Variants in CREB1 observed in about 807,000 individuals in gnomAD.
The protein encoded by CREB1 is cAMP responsive element binding protein 1.
Under a neutral mutation model 42.0 loss-of-function variants are expected in CREB1, and 2 were observed. That is an observed-to-expected ratio of 0.05 (90% CI 0.02 to 0.15). The LOEUF is 0.15. Ranked by LOEUF, CREB1 falls within the 10% of genes least tolerant of loss-of-function variation. The pLI is 1.00. For synonymous variants in CREB1, 123 were observed against 139.9 expected (o/e 0.88, Z 0.85); for missense variants, 199 against 388.9 (o/e 0.51, Z 4.11).
chr2:207,576,241 C>CTTTTTTTTTT (rs35735523), intron 6 of CREB1, among the ~76,000 whole-genome samples: 4 of 101,064 alleles, frequency 4.0e-5, no homozygotes, highest in Non-Finnish European at 3.8e-5. Context: ...CTTTTTTTGG[C>CTTTTTTTTTT]TTTTTTTTTT....
At chr2:207,548,160 C>T (rs1574796086) in intron 1 of CREB1, among the ~76,000 whole-genome samples, 1 of 151,974 alleles carries the variant, frequency 6.6e-6, no homozygotes, top group Admixed American at 6.6e-5. Flanking sequence ...CGCAAACTGC[C>T]TCAAGTAATC....
At chr2:207,590,334 C>G (rs1429984774) in intron 7 of CREB1, among the ~76,000 whole-genome samples, 1 of 151,680 alleles carries the variant, frequency 6.6e-6, no homozygotes, top group Non-Finnish European at 1.5e-5. Context: ...TATTCGCCAC[C>G]CCTACCCCAG....
At position 207,570,188 on chromosome 2, in the gene CREB1, G is replaced by A; in HGVS notation, c.372G>A (p.Leu124=). ...TTTTCTAATTTTGTAGGAAAATTTT[G>A]AATGACTTATCTTCTGATGCACCAG... is the stretch of plus-strand genomic sequence containing the variant. ...LSRRPSYRKI[L]NDLSSDAPGV... Residue 124 remains leucine (L), a synonymous_variant, in exon 5 of 8, where the codon TTG becomes TTA. Coordinates refer to ENST00000353267, the MANE Select transcript of CREB1 (RefSeq NM_004379.5). The A allele has an allele frequency of 6.3e-7, 1 of 1,596,586 alleles. No individual in the cohort carries two copies. Among genetic ancestry groups the A allele is most frequent in the Non-Finnish European group, 8.5e-7 (1 of 1,174,632 alleles).
chr2:207,570,493 T>G (rs918195995), intron 5 of CREB1, among the ~76,000 whole-genome samples, 172 bp downstream of exon 5: 1 of 152,234 alleles, frequency 6.6e-6, no homozygotes, highest in Admixed American at 6.5e-5. Flanking sequence ...AATGGTAGTA[T>G]TTTCTTTTCT....
chr2:207,577,877 C>T (rs1183558569), intron 7 of CREB1: 1 of 511,384 alleles, frequency 2.0e-6, no homozygotes, highest in Admixed American at 3.1e-5. Flanking sequence ...AGTTTTCTTT[C>T]ATGCAGTTTC....
intron 7 of CREB1, among the ~76,000 whole-genome samples, chr2:207,580,389 T>C (rs1327005488): frequency 2.0e-5 from 3 of 152,134 alleles, no homozygotes. Context: ...TGCTAAAATA[T>C]TTGAGAGAAA....
In CREB1 at chr2:207,560,253, T is replaced by A; in HGVS notation, c.142T>A (p.Ser48Thr). 2 of 1,611,878 alleles carry A rather than the reference T, an allele frequency of 1.2e-6. No homozygotes were observed. Among genetic ancestry groups the A allele is most frequent in the Non-Finnish European group, 8.5e-7 (1 of 1,178,540 alleles). ...ATCTATGCCAGCAGCTCATGCAACA[T>A]CATCTGCTCCCACCGTAACTCTAGT... ...QVSMPAAHAT[S>T]SAPTVTLVQL... The change falls in exon 3 of 8, where the codon TCA (serine) becomes ACA (threonine). Residue 48 changes from serine (S) to threonine (T), a missense_variant. Ser to Thr is a moderately conservative substitution (Grantham distance 58, BLOSUM62 1). Transcript: ENST00000353267.
chr2:207,581,793 C>T (rs1186475200), intron 7 of CREB1: 1 of 692,678 alleles, frequency 1.4e-6, no homozygotes, highest in East Asian at 2.7e-5. Flanking sequence ...TTTTTACTTA[C>T]ATAATCCAGT....
chr2:207,596,793 A>AAT, intron 7 of CREB1, 121 bp from the exon 8 acceptor site: 1 of 1,131,112 alleles, frequency 8.8e-7, no homozygotes. Context: ...TCCAATGCTT[A>AAT]ATATATACTA....
chr2:207,561,563 C>A (rs1449890340), intron 3 of CREB1, among the ~76,000 whole-genome samples: 1 of 152,200 alleles, frequency 6.6e-6, no homozygotes, highest in Non-Finnish European at 1.5e-5. Context: ...ATTAGCAAGT[C>A]TAATTCCTGT....
chr2:207,563,094 A>G (rs1472392174), intron 3 of CREB1, among the ~76,000 whole-genome samples: 1 of 152,156 alleles, frequency 6.6e-6, no homozygotes, highest in Non-Finnish European at 1.5e-5. Context: ...AGGGTGTTCT[A>G]CTTTATGTAA....
chr2:207,594,991 C>CT (rs751274446), intron 7 of CREB1, among the ~76,000 whole-genome samples: 5,515 of 118,830 alleles, frequency 0.046, 239 homozygotes, highest in Non-Finnish European at 0.065. Flanking sequence ...TGTTGAGCAT[C>CT]TTTTTTTTTT....
chr2:207,537,071 G>C (rs1401448976), intron 1 of CREB1, among the ~76,000 whole-genome samples: 2 of 152,014 alleles, frequency 1.3e-5, no homozygotes, highest in Non-Finnish European at 2.9e-5. Context: ...TGTTGTTGTT[G>C]TTGAGACGGA....
intron 6 of CREB1, 146 bp downstream of exon 6, chr2:207,575,600 C>T: frequency 1.4e-6 from 1 of 713,578 alleles, no homozygotes; most frequent in Non-Finnish European, 2.2e-6. Context: ...TTTTCATGAA[C>T]TCTTCCATTA....
intron 6 of CREB1, among the ~76,000 whole-genome samples, chr2:207,576,261 G>GTTTTTTTTTTTTTTTTTTTTA (rs1037917631): frequency 1.5e-5 from 1 of 66,324 alleles, no homozygotes; most frequent in Non-Finnish European, 3.1e-5. Context: ...TTTTTTTTTA[G>GTTTTTTTTTTTTTTTTTTTTA]TTTTTTTTTT....
At chr2:207,536,406 T>C (rs1164008133) in intron 1 of CREB1, among the ~76,000 whole-genome samples, 1 of 151,324 alleles carries the variant, frequency 6.6e-6, no homozygotes, top group Non-Finnish European at 1.5e-5. Context: ...AATACAAAAA[T>C]TAGCTGGGCA....
intron 7 of CREB1, chr2:207,582,989 A>G (rs1263454497): frequency 1.3e-5 from 2 of 155,010 alleles, no homozygotes; most frequent in Non-Finnish European, 2.9e-5. Context: ...GTATCTTTAT[A>G]TATAGTTGGC....
intron 7 of CREB1, among the ~76,000 whole-genome samples, chr2:207,585,347 A>C (rs1181527169): frequency 1.3e-5 from 2 of 152,206 alleles, no homozygotes; most frequent in African/African-American, 4.8e-5. Flanking sequence ...AGTAAAAGAA[A>C]TCATACAGAG....
chr2:207,591,518 C>CA (rs2085023710), intron 7 of CREB1, among the ~76,000 whole-genome samples: 1 of 152,262 alleles, frequency 6.6e-6, no homozygotes, highest in African/African-American at 2.4e-5. Flanking sequence ...CTGCAACCTC[C>CA]ACCTCCCTGA....
Sources: allele counts gnomAD v4.1 joint callset (sites outside exome capture counted in the v4.1 genomes callset), GRCh38; gene constraint gnomAD v4.1.1; transcripts MANE v1.5; gene names NCBI Gene and HGNC (gene_info 2026-07-23, HGNC 2026-07-21).